The following SLC9A2 variants were observed in gnomAD, a reference collection of about 807,000 sequenced individuals.
SLC9A2 encodes the protein sodium/hydrogen exchanger 2.
In SLC9A2, 42 loss-of-function variants were observed where a neutral mutation model predicts 71.7. That is an observed-to-expected ratio of 0.59 (90% CI 0.46 to 0.76). The LOEUF is 0.76. Among genes scored for constraint, SLC9A2 ranks in the 30% least tolerant of loss-of-function variants. SLC9A2 has a pLI of 0.00. For missense variants in SLC9A2, 829 were observed against 1,017.4 expected (o/e 0.81, Z 2.52); for synonymous variants, 396 against 392.5 (o/e 1.01, Z -0.10).
intron 2 of SLC9A2, among the ~76,000 whole-genome samples, chr2:102,662,209 G>T (rs1474145166): frequency 6.6e-6 from 1 of 152,206 alleles, no homozygotes; most frequent in Admixed American, 6.5e-5. Context: ...GAGTCTAAGG[G>T]GGGATTTAAG....
chr2:102,678,094 C>T (rs1284816862), intron 3 of SLC9A2, among the ~76,000 whole-genome samples: 1 of 152,120 alleles, frequency 6.6e-6, no homozygotes, highest in Non-Finnish European at 1.5e-5. Flanking sequence ...CTTTGCTTTC[C>T]TGCACTTCTA....
In SLC9A2 at chr2:102,665,179, T is replaced by A. The variant is rs754562375; in HGVS notation, c.833T>A (p.Phe278Tyr). 16 of 1,614,090 alleles carry A rather than the reference T, an allele frequency of 9.9e-6. 1 individual carries two copies. In the South Asian group the frequency reaches 1.5e-4, roughly 16 times the overall value. ...TIDVFAGIANFFVVGIGGVLI... is the reference protein window; with the variant it reads ...TIDVFAGIANYFVVGIGGVLI... ...GATGTGTTTGCAGGAATCGCCAACT[T>A]CTTTGTTGTGGGAATCGGTGGGGTG... The change falls in exon 3 of 12, where the codon TTC (phenylalanine) becomes TAC (tyrosine). Residue 278 changes from phenylalanine (F) to tyrosine (Y), a missense_variant. Physicochemically the swap from Phe to Tyr is conservative, Grantham distance 22. Coordinates refer to ENST00000233969, the MANE Select transcript of SLC9A2 (RefSeq NM_003048.6).
chr2:102,683,100 C>T (rs1350951205), intron 3 of SLC9A2, among the ~76,000 whole-genome samples, 161 bp from the exon 4 acceptor site: 3 of 152,062 alleles, frequency 2.0e-5, no homozygotes, highest in Non-Finnish European at 4.4e-5. Flanking sequence ...GCAGGATTTC[C>T]GAGGTTTGCA....
At chr2:102,628,253 G>T (rs1676287804) in intron 1 of SLC9A2, among the ~76,000 whole-genome samples, 1 of 152,134 alleles carries the variant, frequency 6.6e-6, no homozygotes. Context: ...ATCAGTTTCT[G>T]AATAAATTGC....
In SLC9A2 at chr2:102,704,674, G is replaced by T; in HGVS notation, c.1976G>T (p.Arg659Met). The T allele has an allele frequency of 1.2e-6, 2 of 1,610,332 alleles. No individual in the cohort carries two copies. Among genetic ancestry groups the T allele is most frequent in the Admixed American group, 1.7e-5 (1 of 59,882 alleles). ...RKDSSLNREH[R>M]ASTSTSRYLS... is the part of the protein sequence containing the mutation. ...GACAGCAGCTTGAATCGAGAACACAGGGTAACTGAGTGTGCGCCTCTAGGA... is the reference window on the plus strand; with the variant it reads ...GACAGCAGCTTGAATCGAGAACACATGGTAACTGAGTGTGCGCCTCTAGGA... The change falls in exon 10 of 12, where the codon AGG becomes ATG. Residue 659 changes from arginine to methionine, a missense_variant and splice_region_variant. Coordinates refer to ENST00000233969, the MANE Select transcript of SLC9A2 (RefSeq NM_003048.6).
intron 10 of SLC9A2, among the ~76,000 whole-genome samples, chr2:102,705,172 C>T (rs1677950499): frequency 1.3e-5 from 2 of 152,212 alleles, no homozygotes; most frequent in Middle Eastern, 6.8e-3. Flanking sequence ...GGCCACTGCA[C>T]TCCAGCCTGG....
intron 2 of SLC9A2, among the ~76,000 whole-genome samples, chr2:102,661,506 G>GA (rs1195431920): frequency 5.3e-5 from 8 of 152,158 alleles, no homozygotes; most frequent in Non-Finnish European, 7.4e-5. Context: ...CATACAGGAA[G>GA]AAATTACCTG....
At chr2:102,684,073 A>G in intron 4 of SLC9A2, 61 bp from the exon 5 acceptor site, 1 of 1,184,134 alleles carries the variant, frequency 8.4e-7, no homozygotes, top group South Asian at 1.2e-5. Flanking sequence ...AAATGAGTCT[A>G]TGTATTTTCA....
intron 5 of SLC9A2, chr2:102,689,845 AC>A (rs1305589556): frequency 6.6e-6 from 1 of 152,194 alleles, no homozygotes; most frequent in Admixed American, 6.5e-5. Context: ...GAAGGATGGG[AC>A]ATCATGTGCT....
At chr2:102,687,784 T>C (rs559109692) in intron 5 of SLC9A2, among the ~76,000 whole-genome samples, 1 of 134,992 alleles carries the variant, frequency 7.4e-6, no homozygotes, top group South Asian at 2.2e-4. Flanking sequence ...GTTTGGGGAA[T>C]TTTTTTTTTT....
chr2:102,658,040 C>A lies in SLC9A2; in HGVS notation c.753+13C>A, dbSNP rs961765136. 5.1e-6 allele frequency: 8 copies of A among 1,575,122 alleles called. No individual in the cohort carries two copies. In the African/African-American group the frequency reaches 1.1e-4, roughly 21 times the overall value. Reference sequence around the variant, plus strand: ...TGCAGTAACAGTGGTGAGTCACATTCACACTGCATGACTCCAACAGGTGGG... The same window carrying A: ...TGCAGTAACAGTGGTGAGTCACATTAACACTGCATGACTCCAACAGGTGGG... On this transcript the variant is annotated intron_variant, in intron 2 of 11. Transcript: ENST00000233969.
rs1039780333 is a variant in SLC9A2 at position 102,666,315 on chromosome 2, C to T, written c.1004+965C>T. 6.6e-5 allele frequency among the ~76,000 whole-genome samples: 10 copies of T among 151,358 alleles called. No individual in the cohort carries two copies. In the South Asian group the frequency reaches 8.4e-4, roughly 13 times the overall value. The stretch of plus-strand genomic sequence containing the variant: ...GGTTCACACCATTCTCCTGCCTCAG[C>T]CTCCTGAGTAGCTGGGACTGCAGGC... On this transcript the variant is annotated intron_variant, in intron 3 of 11. Coordinates refer to ENST00000233969, the MANE Select transcript of SLC9A2 (RefSeq NM_003048.6).
chr2:102,655,328 A>G (rs1025295171), intron 1 of SLC9A2, among the ~76,000 whole-genome samples: 2 of 142,758 alleles, frequency 1.4e-5, no homozygotes, highest in Non-Finnish European at 3.0e-5. Context: ...TAATTTTTTT[A>G]TTTTTACTAG....
chr2:102,661,348 C>T (rs1387387474), intron 2 of SLC9A2, among the ~76,000 whole-genome samples: 2 of 152,146 alleles, frequency 1.3e-5, no homozygotes, highest in African/African-American at 4.8e-5. Flanking sequence ...TAATGGACCC[C>T]AGAGGCCCAG....
intron 7 of SLC9A2, among the ~76,000 whole-genome samples, chr2:102,695,781 T>TATATATATATATTATATATATATATA (rs1173797174): frequency 1.3e-4 from 2 of 15,498 alleles, no homozygotes; most frequent in Non-Finnish European, 2.1e-4. Context: ...ATATATATTA[T>TATATATATATATTATATATATATATA]ATATATATTA....
intron 3 of SLC9A2, among the ~76,000 whole-genome samples, chr2:102,674,112 A>G (rs530182876): frequency 6.6e-5 from 10 of 152,252 alleles, no homozygotes; most frequent in African/African-American, 2.4e-4. Flanking sequence ...TAATAAAAAT[A>G]TTTTTAGAAA....
rs1676982205 is a variant in SLC9A2, at chr2:102,658,141, T to A, written c.753+114T>A. The A allele has an allele frequency of 1.6e-5, 12 of 727,542 alleles. No homozygotes were observed. In the South Asian group the frequency reaches 2.1e-4, roughly 13 times the overall value. 45.1% of individuals were successfully genotyped at this position (727,542 alleles called of 1,614,324 possible). On this transcript the variant is annotated intron_variant, in intron 2 of 11. Transcript: ENST00000233969. ...AGACCCTGCACACAGGGTGGTTTCA[T>A]GAGCAATTGCCCAGGGCCCTTCACT...
At chr2:102,637,448 T>C (rs553876986) in intron 1 of SLC9A2, among the ~76,000 whole-genome samples, 54 of 152,298 alleles carry the variant, frequency 3.5e-4, no homozygotes, top group Non-Finnish European at 2.2e-4. Flanking sequence ...ACTAAGCCAG[T>C]GATCATTTCC....
At chr2:102,624,297 C>T (rs1285308658) in intron 1 of SLC9A2, among the ~76,000 whole-genome samples, 1 of 152,146 alleles carries the variant, frequency 6.6e-6, no homozygotes, top group Non-Finnish European at 1.5e-5. Flanking sequence ...TCACATTATT[C>T]TTTCACTTTG....
Sources: allele counts gnomAD v4.1 joint callset (sites outside exome capture counted in the v4.1 genomes callset), GRCh38; gene constraint gnomAD v4.1.1; transcripts MANE v1.5; gene names NCBI Gene and HGNC (gene_info 2026-07-23, HGNC 2026-07-21).